Variants in POMGNT2 observed in about 807,000 individuals in gnomAD.
POMGNT2 encodes the protein protein O-linked mannose N-acetylglucosaminyltransferase 2 (beta 1,4-).
A neutral mutation model predicts 37.8 loss-of-function variants in POMGNT2; 32 were observed. The ratio of observed to expected loss-of-function variants is 0.85; its 90% CI spans 0.64 to 1.14. The LOEUF is 1.14. Ranked by LOEUF, POMGNT2 falls within the 50% of genes most tolerant of loss-of-function variation. The pLI, the probability that POMGNT2 is intolerant of heterozygous loss-of-function variation, is 0.00. For missense variants in POMGNT2, 705 were observed against 780.6 expected (o/e 0.90, Z 1.15); for synonymous variants, 340 against 336.8 (o/e 1.01, Z -0.10).
intron 1 of POMGNT2, among the ~76,000 whole-genome samples, chr3:43,104,898 A>G (rs1481940096): frequency 1.3e-5 from 2 of 152,226 alleles, no homozygotes; most frequent in Non-Finnish European, 2.9e-5. Flanking sequence ...CTAAGAGAGG[A>G]TAAGTGACTT....
Position 43,081,365 on chromosome 3 carries a change from C to T in POMGNT2, c.67G>A (p.Val23Met), listed in dbSNP as rs778227011. 3.1e-6 allele frequency: 5 copies of T among 1,608,260 alleles called. No homozygotes were observed. The highest frequency in any genetic ancestry group is 2.5e-6 in the Non-Finnish European group (3 of 1,179,160). The change falls in exon 2 of 2, where the codon GTG becomes ATG. Residue 23 changes from valine to methionine, a missense_variant. Coordinates refer to ENST00000344697, the MANE Select transcript of POMGNT2 (RefSeq NM_032806.6). ...GTGGCTGCATGCTCACGCAGCCGCA[C>T]ATGCTTCCACAGGACCGCTGCCAGC... Reference protein sequence around the residue: ...SVLAAVLWKHVRLREHAATLE... With the variant: ...SVLAAVLWKHMRLREHAATLE...
chr3:43,082,812 T>G (rs538645007), intron 1 of POMGNT2, among the ~76,000 whole-genome samples: 1 of 152,340 alleles, frequency 6.6e-6, no homozygotes, highest in Admixed American at 6.5e-5. Context: ...CTAGGTTCCC[T>G]AAGAAGTAGA....
At chr3:43,085,824 G>C (rs1329922949) in intron 1 of POMGNT2, among the ~76,000 whole-genome samples, 1 of 152,026 alleles carries the variant, frequency 6.6e-6, no homozygotes, top group African/African-American at 2.4e-5. Flanking sequence ...AAGAGACCAA[G>C]CTTCCTTGGG....
intron 1 of POMGNT2, among the ~76,000 whole-genome samples, chr3:43,101,349 A>C (rs892198522): frequency 4.6e-5 from 7 of 152,232 alleles, no homozygotes; most frequent in African/African-American, 1.7e-4. Context: ...TGGAGGAATC[A>C]GCTACTTTGT....
intron 1 of POMGNT2, among the ~76,000 whole-genome samples, chr3:43,095,868 G>A (rs1000262883): frequency 6.6e-6 from 1 of 152,172 alleles, no homozygotes; most frequent in African/African-American, 2.4e-5. Flanking sequence ...GCCCAAATAA[G>A]GGCACGCACA....
Position 43,080,680 on chromosome 3 carries a change from T to C in POMGNT2, c.752A>G (p.Gln251Arg). The stretch of plus-strand genomic sequence containing the variant: ...GACGAGGATGTTGGCCTTCGGGCCC[T>C]GGGGCTGCACAAAGCCATACTGGTA... ...TWYQYGFVQP[Q>R]GPKANILVSG... The change falls in exon 2 of 2, where the codon CAG becomes CGG. Residue 251 changes from glutamine (Q) to arginine (R), a missense_variant. By Grantham distance (43) the Gln-to-Arg change is conservative. Coordinates refer to ENST00000344697, the MANE Select transcript of POMGNT2 (RefSeq NM_032806.6). The C allele has an allele frequency of 6.2e-7, 1 of 1,614,172 alleles. No homozygotes were observed. The highest frequency in any genetic ancestry group is 8.5e-7 in the Non-Finnish European group (1 of 1,180,034).
chr3:43,083,327 C>G (rs920920576), intron 1 of POMGNT2, among the ~76,000 whole-genome samples: 5 of 152,196 alleles, frequency 3.3e-5, no homozygotes, highest in African/African-American at 1.2e-4. Context: ...TTAAAAAATA[C>G]TGGTCTACTC....
At chr3:43,090,506 T>C (rs1448140114) in intron 1 of POMGNT2, 2 of 152,088 alleles carry the variant, frequency 1.3e-5, no homozygotes, top group Non-Finnish European at 2.9e-5. Flanking sequence ...CACCATGGTA[T>C]GGACAGTTCT....
chr3:43,090,166 C>A (rs528482222), intron 1 of POMGNT2, among the ~76,000 whole-genome samples: 3 of 152,202 alleles, frequency 2.0e-5, no homozygotes, highest in African/African-American at 7.2e-5. Flanking sequence ...CTCTCTCATG[C>A]CCCAAACTGA....
intron 1 of POMGNT2, among the ~76,000 whole-genome samples, chr3:43,093,159 T>C (rs1342469004): frequency 1.3e-5 from 2 of 152,316 alleles, no homozygotes; most frequent in East Asian, 1.9e-4. Context: ...GGCAGGAGTC[T>C]AGGGTCCACA....
rs759475326 is a variant in POMGNT2, at chr3:43,081,513, G to A, written c.-82C>T. 8.2e-5 allele frequency: 98 copies of A among 1,188,416 alleles called. No homozygotes were observed. The highest frequency in any genetic ancestry group is 1.1e-4 in the Non-Finnish European group (95 of 864,536). The allele number at this position is 1,188,416 out of a possible 1,614,324, so 73.6% of individuals were successfully genotyped here. A position where few individuals can be genotyped will look rare whatever the true frequency, so the allele number is the denominator to read the frequency against. ...CAGGCAGGCTTCACCCATCCCTATG[G>A]GCATCCTGAGAACTGGTGAAAGCCT... On this transcript the variant is annotated 5_prime_UTR_variant, in exon 2 of 2. Transcript: ENST00000344697.
intron 1 of POMGNT2, among the ~76,000 whole-genome samples, chr3:43,094,324 C>G (rs140948278): frequency 7.2e-4 from 109 of 152,360 alleles, no homozygotes; most frequent in African/African-American, 2.3e-3. Flanking sequence ...AATAAACACA[C>G]AATTCTCTAG....
chr3:43,081,461 T>A lies in POMGNT2; in HGVS notation c.-30A>T, dbSNP rs757915249. On this transcript the variant is annotated 5_prime_UTR_variant, in exon 2 of 2. Transcript: ENST00000344697. ...ATGCCACTGTGGGGCCCTAATGAGA[T>A]GACGGCCACTGGGAAGCACCACAGG... 1 of 1,490,320 alleles carries A rather than the reference T, an allele frequency of 6.7e-7. No homozygotes were observed. Among genetic ancestry groups the A allele is most frequent in the South Asian group, 1.4e-5 (1 of 73,228 alleles). The allele number at this position is 1,490,320 out of a possible 1,614,324, so 92.3% of individuals were successfully genotyped here. A position where few individuals can be genotyped will look rare whatever the true frequency, so the allele number is the denominator to read the frequency against.
intron 1 of POMGNT2, among the ~76,000 whole-genome samples, chr3:43,097,888 G>A (rs2089991335): frequency 6.6e-6 from 1 of 152,232 alleles, no homozygotes; most frequent in African/African-American, 2.4e-5. Flanking sequence ...ATGCTCATTT[G>A]CAAGCTCTGG....
chr3:43,080,418 G>A lies in POMGNT2; in HGVS notation c.1014C>T (p.Ala338=), dbSNP rs2089839242. 3 of 1,614,160 alleles carry A rather than the reference G, an allele frequency of 1.9e-6. No individual in the cohort carries two copies. The highest frequency in any genetic ancestry group is 2.5e-6 in the Non-Finnish European group (3 of 1,180,024). The change falls in exon 2 of 2, where the codon GCC becomes GCT. Residue 338 remains alanine, a synonymous_variant. Coordinates refer to ENST00000344697, the MANE Select transcript of POMGNT2 (RefSeq NM_032806.6). ...FADVVRLVSN[A]SMLVSMHGAQ... The stretch of plus-strand genomic sequence containing the variant: ...CCCCATGCATGCTGACCAGCATGGA[G>A]GCATTGCTGACCAGCCGCACGACAT...
At chr3:43,090,838 C>T (rs2089937760) in intron 1 of POMGNT2, among the ~76,000 whole-genome samples, 1 of 152,086 alleles carries the variant, frequency 6.6e-6, no homozygotes, top group Non-Finnish European at 1.5e-5. Flanking sequence ...GGGAGGAAGG[C>T]ACCAGGGAGG....
rs1185015027 is a variant in POMGNT2 at position 43,080,498 on chromosome 3, G to A, written c.934C>T (p.Gln312Ter). The A allele has an allele frequency of 1.2e-6, 2 of 1,614,190 alleles. No individual in the cohort carries two copies. The highest frequency in any genetic ancestry group is 1.7e-5 in the Admixed American group (1 of 60,030). ...NEAELLLALA[Q>*]EFQMKTVTVS... ...GTCACTGTCTTCATCTGGAACTCCT[G>A]GGCCAGTGCCAGCAGCAGCTCTGCC... The change falls in exon 2 of 2, where the codon CAG (glutamine) becomes TAG (stop). Residue 312 changes from glutamine to a stop codon, truncating the protein, a stop_gained. Coordinates refer to ENST00000344697, the MANE Select transcript of POMGNT2 (RefSeq NM_032806.6). LOFTEE classifies it high-confidence loss of function.
chr3:43,088,561 C>T (rs2089916828), intron 1 of POMGNT2, among the ~76,000 whole-genome samples: 1 of 152,206 alleles, frequency 6.6e-6, no homozygotes, highest in African/African-American at 2.4e-5. Context: ...GACCTTGCAC[C>T]TCAGGTGGAC....
At chr3:43,081,654 T>A in intron 1 of POMGNT2, 118 bp from the exon 2 acceptor site, 1 of 549,666 alleles carries the variant, frequency 1.8e-6, no homozygotes, top group South Asian at 2.7e-5. Context: ...CAGCACTGGA[T>A]CCTTGCAGCC....
Sources: gnomAD v4.1 joint callset for allele counts (sites outside exome capture counted in the v4.1 genomes callset) on GRCh38, gnomAD v4.1.1 for gene constraint, MANE v1.5 for transcripts, NCBI Gene and HGNC (gene_info 2026-07-23, HGNC 2026-07-21) for gene names.